The following PTGIS variants were observed in gnomAD, a reference collection of about 807,000 sequenced individuals.
PTGIS encodes the protein prostaglandin I2 synthase, also known as prostacyclin synthase.
PTGIS carries 45 observed loss-of-function variants against 50.3 expected under a neutral mutation model. That is an observed-to-expected ratio of 0.90 (90% confidence interval 0.70 to 1.15). The LOEUF is 1.15. PTGIS is among the 50% of genes most tolerant of loss of function. The pLI is 0.00. For missense variants in PTGIS, 668 were observed against 661.3 expected, an observed-to-expected ratio of 1.01 and a Z score of -0.11; for synonymous variants, 260 against 267.7, an observed-to-expected ratio of 0.97 and a Z score of 0.28.
At chr20:49,508,901 C>T (rs1981234852) in intron 9 of PTGIS, among the ~76,000 whole-genome samples, 1 of 152,208 alleles carries the variant, frequency 6.6e-6, no homozygotes, top group Admixed American at 6.5e-5. Context: ...CTTACCAATG[C>T]CCATGTTCGT....
intron 1 of PTGIS, among the ~76,000 whole-genome samples, chr20:49,553,395 C>T (rs1362077679): frequency 1.3e-5 from 2 of 151,958 alleles, no homozygotes; most frequent in Non-Finnish European, 2.9e-5. Flanking sequence ...ATCTGAAATT[C>T]ACAGCTATAA....
intron 6 of PTGIS, 52 bp downstream of exon 6, chr20:49,524,006 T>G (rs977694555): frequency 6.2e-7 from 1 of 1,605,012 alleles, no homozygotes; most frequent in Non-Finnish European, 8.5e-7. Flanking sequence ...TGCGTTCATA[T>G]CGCAACCACA....
At chr20:49,539,950 A>G (rs1982183152) in intron 4 of PTGIS, among the ~76,000 whole-genome samples, 1 of 152,232 alleles carries the variant, frequency 6.6e-6, no homozygotes, top group African/African-American at 2.4e-5. Context: ...AGGATGAGTA[A>G]AATGAATAAT....
rs1437985207 is a variant in PTGIS, at chr20:49,536,768, C to A, written c.673+2802G>T. Among the ~76,000 whole-genome samples, 3 of 152,114 alleles carry A rather than the reference C, an allele frequency of 2.0e-5. 1 individual carries two copies. The highest frequency in any genetic ancestry group is 4.4e-5 in the Non-Finnish European group (3 of 68,018). ...AAAGTGCTGGGATTACAGGCATGAG[C>A]CTCCGCGCCCGGCCACAGTGCTTTT... On this transcript the variant is annotated intron_variant, in intron 5 of 9. Coordinates refer to ENST00000244043, the MANE Select transcript of PTGIS (RefSeq NM_000961.4).
chr20:49,524,716 C>T (rs541248573), intron 5 of PTGIS, among the ~76,000 whole-genome samples: 2 of 152,164 alleles, frequency 1.3e-5, no homozygotes, highest in South Asian at 4.2e-4. Flanking sequence ...TCTTACATGG[C>T]GGCAAGCAAG....
At chr20:49,559,795 G>C (rs1356838203) in intron 1 of PTGIS, among the ~76,000 whole-genome samples, 1 of 152,178 alleles carries the variant, frequency 6.6e-6, no homozygotes, top group Non-Finnish European at 1.5e-5. Flanking sequence ...CAGGGCTGGA[G>C]GAGGGGGAAA....
At chr20:49,527,171 T>C (rs1309401300) in intron 5 of PTGIS, among the ~76,000 whole-genome samples, 1 of 151,894 alleles carries the variant, frequency 6.6e-6, no homozygotes, top group African/African-American at 2.4e-5. Flanking sequence ...ATGCCAGGCA[T>C]GGTGGCTCAC....
intron 5 of PTGIS, among the ~76,000 whole-genome samples, chr20:49,536,994 G>A (rs1476761374): frequency 6.6e-6 from 1 of 152,184 alleles, no homozygotes; most frequent in African/African-American, 2.4e-5. Flanking sequence ...AGGAACTGGG[G>A]CAAGTAGAAG....
At chr20:49,546,024 T>A (rs1408106227) in intron 3 of PTGIS, among the ~76,000 whole-genome samples, 1 of 152,190 alleles carries the variant, frequency 6.6e-6, no homozygotes, top group Admixed American at 6.5e-5. Flanking sequence ...ACATGGCTCA[T>A]GACTCATGTA....
At chr20:49,522,939 G>A (rs996760619) in intron 6 of PTGIS, among the ~76,000 whole-genome samples, 2 of 152,130 alleles carry the variant, frequency 1.3e-5, no homozygotes, top group Non-Finnish European at 2.9e-5. Context: ...CAGGAGAATC[G>A]CTTGAACTCA....
At chr20:49,561,024 G>T (rs906022075) in intron 1 of PTGIS, among the ~76,000 whole-genome samples, 9 of 152,140 alleles carry the variant, frequency 5.9e-5, no homozygotes, top group Non-Finnish European at 5.9e-5. Context: ...AGAGCAATGT[G>T]GTGGAAGCAA....
intron 1 of PTGIS, among the ~76,000 whole-genome samples, chr20:49,551,390 CTT>C (rs1175140117): frequency 6.6e-6 from 1 of 152,158 alleles, no homozygotes; most frequent in Non-Finnish European, 1.5e-5. Context: ...CATGAGAAAA[CTT>C]TGGTCTTCAC....
In PTGIS at chr20:49,511,232, C is replaced by T. The variant is rs190190863; in HGVS notation, c.1207-53G>A. The T allele has an allele frequency of 4.6e-5, 73 of 1,603,724 alleles. No individual in the cohort carries two copies. The East Asian group carries it at 1.4e-3, about 32-fold the overall frequency. On this transcript the variant is annotated intron_variant, in intron 8 of 9. Coordinates refer to ENST00000244043, the MANE Select transcript of PTGIS (RefSeq NM_000961.4). The stretch of plus-strand genomic sequence containing the variant: ...ACCCCATTCCCAGAACAAGCTCACA[C>T]CAAGAAAAATGTATGAGGATGTTCA...
At chr20:49,563,960 C>T (rs1045009635) in intron 1 of PTGIS, among the ~76,000 whole-genome samples, 1 of 152,134 alleles carries the variant, frequency 6.6e-6, no homozygotes, top group African/African-American at 2.4e-5. Context: ...TGAGCCACCT[C>T]GAAGTACAGA....
At position 49,545,781 on chromosome 20, in the gene PTGIS, G is replaced by A. The variant is rs934503046; in HGVS notation, c.378-1333C>T. Among the ~76,000 whole-genome samples the A allele has an allele frequency of 2.0e-5, 3 of 151,934 alleles. No homozygotes were observed. In the East Asian group the frequency reaches 5.8e-4, roughly 29 times the overall value. On this transcript the variant is annotated intron_variant, in intron 3 of 9. Transcript: ENST00000244043. ...CCCATGGTCAACAGCAACACCTAGTGGCAGCAACAAGAACAGTGGGAGAGT... is the reference window on the plus strand; with the variant it reads ...CCCATGGTCAACAGCAACACCTAGTAGCAGCAACAAGAACAGTGGGAGAGT...
chr20:49,512,749 T>C (rs1035767595), intron 8 of PTGIS, among the ~76,000 whole-genome samples: 4 of 152,158 alleles, frequency 2.6e-5, no homozygotes, highest in African/African-American at 9.7e-5. Context: ...TCAGAGACCC[T>C]TGAACATGAG....
At chr20:49,548,439 AATGGATGGATGAATGGATAGATGG>A (rs1160884664) in intron 2 of PTGIS, among the ~76,000 whole-genome samples, 1 of 151,926 alleles carries the variant, frequency 6.6e-6, no homozygotes, top group Non-Finnish European at 1.5e-5. Context: ...TGGATGGATG[AATGGATGGATGAATGGATAGATGG>A]ATGGATGGTT....
At position 49,510,195 on chromosome 20, in the gene PTGIS, G is replaced by T. The variant is rs561217967; in HGVS notation, c.1358+833C>A. 2.0e-5 allele frequency among the ~76,000 whole-genome samples: 3 copies of T among 152,030 alleles called. No homozygotes were observed. In the South Asian group the frequency reaches 6.2e-4, roughly 32 times the overall value. On this transcript the variant is annotated intron_variant, in intron 9 of 9. Coordinates refer to ENST00000244043, the MANE Select transcript of PTGIS (RefSeq NM_000961.4). The stretch of plus-strand genomic sequence containing the variant: ...TGAATCCCTGCAGTTTTTGTTGCAT[G>T]ATTTCACACAGCAAGGTGATTTTAA...
intron 5 of PTGIS, among the ~76,000 whole-genome samples, chr20:49,530,348 T>G (rs965299117): frequency 3.9e-5 from 6 of 152,274 alleles, no homozygotes; most frequent in African/African-American, 1.4e-4. Context: ...CTTAGTTTGT[T>G]TCCATGTCTC....
Sources: gnomAD v4.1 joint callset for allele counts (sites outside exome capture counted in the v4.1 genomes callset) on GRCh38, gnomAD v4.1.1 for gene constraint, MANE v1.5 for transcripts, NCBI Gene and HGNC (gene_info 2026-07-23, HGNC 2026-07-21) for gene names.